Variants in SPAG16 observed in about 807,000 individuals in gnomAD.
SPAG16 encodes the protein sperm associated antigen 16.
SPAG16 carries 86 observed loss-of-function variants against 80.4 expected under a neutral mutation model. The observed-to-expected ratio is 1.07, with a 90% CI of 0.90 to 1.28. The LOEUF (loss-of-function observed/expected upper bound fraction) is 1.28. Ranked by LOEUF, SPAG16 falls within the 50% of genes most tolerant of loss-of-function variation. The pLI, the probability that SPAG16 is intolerant of heterozygous loss-of-function variation, is 0.00. For synonymous variants in SPAG16, 294 were observed against 265.9 expected, an observed-to-expected ratio of 1.11 and a Z score of -1.03; for missense variants, 870 against 765.3, an observed-to-expected ratio of 1.14 and a Z score of -1.61.
intron 10 of SPAG16, among the ~76,000 whole-genome samples, chr2:213,658,440 C>T (rs1249572552): frequency 1.3e-5 from 2 of 152,160 alleles, no homozygotes; most frequent in Non-Finnish European, 2.9e-5. Flanking sequence ...ATACAAGCCA[C>T]AAGCAGCAGG....
At chr2:213,905,375 T>G (rs1276590783) in intron 11 of SPAG16, among the ~76,000 whole-genome samples, 2 of 152,232 alleles carry the variant, frequency 1.3e-5, no homozygotes, top group East Asian at 1.9e-4. Flanking sequence ...TACCATGTTA[T>G]GAAATAAAGC....
chr2:213,340,144 G>C lies in SPAG16; in HGVS notation c.537-19G>C, dbSNP rs116126965. The C allele has an allele frequency of 6.7e-3, 10,335 of 1,545,628 alleles. 199 individuals carry two copies. Among genetic ancestry groups the C allele is most frequent in the Middle Eastern group, 0.052 (302 of 5,864 alleles). Reference sequence around the variant, plus strand: ...AAAAGAATTAGCAGTGATTTATAAAGTTACTATTTTTTTTTCAGCAAAGCT... The same window carrying C: ...AAAAGAATTAGCAGTGATTTATAAACTTACTATTTTTTTTTCAGCAAAGCT... On this transcript the variant is annotated intron_variant, in intron 5 of 15. Transcript: ENST00000331683.
At chr2:214,092,601 G>T (rs1197251593) in intron 13 of SPAG16, among the ~76,000 whole-genome samples, 3 of 150,956 alleles carry the variant, frequency 2.0e-5, no homozygotes, top group Non-Finnish European at 4.4e-5. Flanking sequence ...CTTATTTATT[G>T]TATCTTTTGC....
Position 214,218,761 on chromosome 2 carries a change from T to C in SPAG16, c.1720+69495T>C, listed in dbSNP as rs151199531. On this transcript the variant is annotated intron_variant, in intron 15 of 15. Transcript: ENST00000331683. ...CATGGCAGGTAGTCATGTCACTTTG[T>C]TGAGGCATGAGTTTGGAACAGGTGG... is the stretch of plus-strand genomic sequence containing the variant. 1.5e-3 allele frequency among the ~76,000 whole-genome samples: 231 copies of C among 152,332 alleles called. 1 individual carries two copies. The highest frequency in any genetic ancestry group is 0.01 in the Middle Eastern group (3 of 294).
At chr2:214,122,447 G>T (rs1188339631) in intron 14 of SPAG16, among the ~76,000 whole-genome samples, 3 of 151,776 alleles carry the variant, frequency 2.0e-5, no homozygotes, top group South Asian at 2.1e-4. Flanking sequence ...ACAAAAAACT[G>T]CAATTGCCTA....
rs555433468 is a variant in SPAG16, at chr2:213,702,952, C to T, written c.1071-159533C>T. 4.6e-5 allele frequency among the ~76,000 whole-genome samples: 7 copies of T among 152,302 alleles called. No homozygotes were observed. In the South Asian group the frequency reaches 1.5e-3, roughly 32 times the overall value. On this transcript the variant is annotated intron_variant, in intron 10 of 15. Coordinates refer to ENST00000331683, the MANE Select transcript of SPAG16 (RefSeq NM_024532.5). ...CTGTGTTAGTGTTCATCCACGCGCT[C>T]TACCCTTCTATGTGGGAGGATTATA...
intron 15 of SPAG16, among the ~76,000 whole-genome samples, chr2:214,207,072 C>CATTT (rs1177091721): frequency 6.6e-6 from 1 of 152,092 alleles, no homozygotes; most frequent in Admixed American, 6.6e-5. Context: ...ATTGCCAGAA[C>CATTT]ATTTAATCCT....
intron 10 of SPAG16, among the ~76,000 whole-genome samples, chr2:213,681,768 A>C (rs370783637): frequency 1.3e-5 from 2 of 152,252 alleles, no homozygotes; most frequent in Non-Finnish European, 2.9e-5. Flanking sequence ...TCTGCACTGC[A>C]TTTTTTTCTT....
At chr2:213,385,616 G>T (rs1026098802) in intron 9 of SPAG16, among the ~76,000 whole-genome samples, 1 of 152,152 alleles carries the variant, frequency 6.6e-6, no homozygotes, top group Non-Finnish European at 1.5e-5. Flanking sequence ...GGAATATATT[G>T]TAAGAATGGC....
chr2:213,502,794 C>G (rs942191494), intron 10 of SPAG16, among the ~76,000 whole-genome samples: 2 of 152,218 alleles, frequency 1.3e-5, no homozygotes, highest in Admixed American at 6.5e-5. Flanking sequence ...ATCTGAATAT[C>G]TGAATCTCCT....
Position 213,793,175 on chromosome 2 carries a change from G to A in SPAG16, c.1071-69310G>A, listed in dbSNP as rs143397711. Among the ~76,000 whole-genome samples the A allele has an allele frequency of 7.0e-3, 1,066 of 151,918 alleles. 16 individuals are homozygous for A. The highest frequency in any genetic ancestry group is 0.024 in the African/African-American group (1,000 of 41,438). On this transcript the variant is annotated intron_variant, in intron 10 of 15. Transcript: ENST00000331683. ...GCTCCTGACCTCAGGTGATCCACCC[G>A]CCTCGGCCTCTCAAAGTGCTGGGAT...
At chr2:214,032,538 C>A (rs1241070091) in intron 13 of SPAG16, among the ~76,000 whole-genome samples, 1 of 152,108 alleles carries the variant, frequency 6.6e-6, no homozygotes, top group African/African-American at 2.4e-5. Context: ...AGCAGGAATA[C>A]AGCTTCTCGG....
chr2:213,943,746 T>C (rs1240562442), intron 12 of SPAG16, among the ~76,000 whole-genome samples: 2 of 152,116 alleles, frequency 1.3e-5, no homozygotes, highest in Non-Finnish European at 2.9e-5. Context: ...ACTTAGAGAT[T>C]TGGAAAATTC....
intron 9 of SPAG16, among the ~76,000 whole-genome samples, chr2:213,425,941 T>C (rs2069888116): frequency 6.6e-6 from 1 of 152,164 alleles, no homozygotes; most frequent in Non-Finnish European, 1.5e-5. Flanking sequence ...GCCTGGAGCA[T>C]GTTGTAGTGC....
chr2:213,438,823 AAG>A (rs1300089330), intron 9 of SPAG16, among the ~76,000 whole-genome samples: 6 of 152,244 alleles, frequency 3.9e-5, no homozygotes, highest in African/African-American at 1.4e-4. Context: ...CATTTTTAAA[AAG>A]AGAGTGTAGA....
chr2:213,295,257 A>G (rs903899082), intron 1 of SPAG16, among the ~76,000 whole-genome samples: 1 of 152,158 alleles, frequency 6.6e-6, no homozygotes, highest in Non-Finnish European at 1.5e-5. Context: ...AACAACAACA[A>G]CAACAAGCAT....
At chr2:214,008,826 T>C (rs1237674522) in intron 12 of SPAG16, among the ~76,000 whole-genome samples, 1 of 152,126 alleles carries the variant, frequency 6.6e-6, no homozygotes, top group East Asian at 1.9e-4. Context: ...CTGGAAAAGG[T>C]ATTGAGTTCT....
chr2:213,668,357 A>T (rs2063690247), intron 10 of SPAG16, among the ~76,000 whole-genome samples: 1 of 151,936 alleles, frequency 6.6e-6, no homozygotes, highest in Admixed American at 6.6e-5. Context: ...TCTTAGACAT[A>T]ACAGGACACA....
intron 15 of SPAG16, among the ~76,000 whole-genome samples, chr2:214,263,586 A>G (rs1473282135): frequency 6.6e-6 from 1 of 152,170 alleles, no homozygotes; most frequent in Non-Finnish European, 1.5e-5. Context: ...CAGCTATGGA[A>G]TAGATCAGAA....
Sources: gnomAD v4.1 joint callset for allele counts (sites outside exome capture counted in the v4.1 genomes callset) on GRCh38, gnomAD v4.1.1 for gene constraint, MANE v1.5 for transcripts, NCBI Gene and HGNC (gene_info 2026-07-23, HGNC 2026-07-21) for gene names.